The following RPTOR variants were observed in gnomAD, a reference collection of about 807,000 sequenced individuals.
RPTOR encodes the protein regulatory associated protein of MTOR complex 1, also known as regulatory-associated protein of mTOR.
A neutral mutation model predicts 169.9 loss-of-function variants in RPTOR; 21 were observed. The ratio of observed to expected loss-of-function variants is 0.12; its 90% CI spans 0.09 to 0.18. The LOEUF is 0.18. Among genes scored for constraint, RPTOR ranks in the 10% least tolerant of loss-of-function variants. The pLI is 1.00. For synonymous variants in RPTOR, 732 were observed against 753.2 expected (o/e 0.97, Z 0.46); for missense variants, 1,133 against 1,855.9 (o/e 0.61, Z 7.16).
chr17:80,670,795 C>G (rs186301223), intron 3 of RPTOR, among the ~76,000 whole-genome samples: 8 of 152,244 alleles, frequency 5.3e-5, no homozygotes, highest in African/African-American at 1.9e-4. Flanking sequence ...AATCAGCCCC[C>G]CAACTCCCCC....
At chr17:80,826,381 G>C (rs376834174) in intron 9 of RPTOR, among the ~76,000 whole-genome samples, 1 of 152,162 alleles carries the variant, frequency 6.6e-6, no homozygotes, top group Non-Finnish European at 1.5e-5. Context: ...GACACTTCCC[G>C]GCCGGCTGTG....
At chr17:80,649,846 T>C (rs556315658) in intron 3 of RPTOR, among the ~76,000 whole-genome samples, 506 of 152,356 alleles carry the variant, frequency 3.3e-3, no homozygotes, top group Non-Finnish European at 5.2e-3. Context: ...GTGAGAACTC[T>C]GATTCATGCT....
intron 1 of RPTOR, among the ~76,000 whole-genome samples, chr17:80,585,199 A>T (rs200289308): frequency 5.6e-4 from 22 of 39,288 alleles, no homozygotes; most frequent in African/African-American, 2.5e-3. Context: ...TATTATTATT[A>T]TTATTTTTGT....
intron 16 of RPTOR, among the ~76,000 whole-genome samples, chr17:80,884,435 A>T (rs1199831818): frequency 2.0e-5 from 3 of 152,128 alleles, no homozygotes; most frequent in African/African-American, 7.2e-5. Context: ...CACTCTTCCC[A>T]CCGGCCTGTG....
In RPTOR at chr17:80,737,809, G is replaced by C. The variant is rs183058735; in HGVS notation, c.654+7103G>C. Among the ~76,000 whole-genome samples the C allele has an allele frequency of 2.8e-3, 374 of 132,506 alleles. 2 individuals carry two copies. The highest frequency in any genetic ancestry group is 0.01 in the African/African-American group (312 of 30,736). The allele number at this position is 132,506 out of a possible 152,430, so 86.9% of individuals were successfully genotyped here. A position where few individuals can be genotyped will look rare whatever the true frequency, so the allele number is the denominator to read the frequency against. ...TTCTTTCTCTCTCTTTTTCTCCCCC[G>C]CCCCCCCGCCACACTCACTCCACCA... On this transcript the variant is annotated intron_variant, in intron 5 of 33. Transcript: ENST00000306801.
rs184286527 is a variant in RPTOR at position 80,726,154 on chromosome 17, A to G, written c.508-4406A>G. 2.8e-4 allele frequency among the ~76,000 whole-genome samples: 42 copies of G among 152,302 alleles called. No individual in the cohort carries two copies. Among genetic ancestry groups the G allele is most frequent in the Admixed American group, 7.8e-4 (12 of 15,298 alleles). On this transcript the variant is annotated intron_variant, in intron 4 of 33. Coordinates refer to ENST00000306801, the MANE Select transcript of RPTOR (RefSeq NM_020761.3). This position sits in a 1 kb window ranked among gnomAD's most constrained non-coding sequence, Gnocchi z 4.5. ...CACATCCAAGCAGGCTTCCCAGAGC[A>G]GGCGGGGCTGGGAAAGCTGTTCTGT...
At chr17:80,742,294 A>C (rs868766183) in intron 5 of RPTOR, among the ~76,000 whole-genome samples, 2 of 152,220 alleles carry the variant, frequency 1.3e-5, no homozygotes, top group South Asian at 4.1e-4. Flanking sequence ...GTAGGTGTGA[A>C]GGGAACAGGA....
intron 8 of RPTOR, 57 bp downstream of exon 8, chr17:80,822,358 C>A: frequency 6.6e-7 from 1 of 1,525,288 alleles, no homozygotes; most frequent in Non-Finnish European, 9.1e-7. Flanking sequence ...GCGCGGGGAG[C>A]CGACTCTCGG....
chr17:80,604,751 C>T (rs907471787), intron 1 of RPTOR, among the ~76,000 whole-genome samples: 8 of 152,032 alleles, frequency 5.3e-5, no homozygotes, highest in Non-Finnish European at 1.2e-4. Flanking sequence ...TAGGGGAACT[C>T]CCCTTTATAA....
rs1015964597 is a variant in RPTOR, at chr17:80,966,109, G to A, written c.*1779G>A. 3 of 224,852 alleles carry A rather than the reference G, an allele frequency of 1.3e-5. No homozygotes were observed. Among genetic ancestry groups the A allele is most frequent in the Admixed American group, 6.0e-5 (1 of 16,608 alleles). 13.9% of individuals were successfully genotyped at this position (224,852 alleles called of 1,614,324 possible). ...TGTCAAAAGGCAGGTGGCTCCAGAG[G>A]GGTCAAGACCCCCCCCCGCCCCCGC... On this transcript the variant is annotated 3_prime_UTR_variant, in exon 34 of 34. Transcript: ENST00000306801.
intron 3 of RPTOR, among the ~76,000 whole-genome samples, chr17:80,671,466 T>A (rs1598209127): frequency 6.6e-6 from 1 of 152,310 alleles, no homozygotes; most frequent in East Asian, 1.9e-4. Flanking sequence ...CTATTTGCCC[T>A]CTCTGTCAAT....
rs763341705 is a variant in RPTOR at position 80,707,831 on chromosome 17, C to T, written c.349-10C>T. ...CGTGGTAAATTTCTTCATTTCTTCT[C>T]CTGCAACAGGCCCGGTACAAGCAGA... On this transcript the variant is annotated splice_polypyrimidine_tract_variant and intron_variant, in intron 3 of 33. Coordinates refer to ENST00000306801, the MANE Select transcript of RPTOR (RefSeq NM_020761.3). This position sits in a 1 kb window ranked among gnomAD's most constrained non-coding sequence, Gnocchi z 5.0. 3 of 1,606,994 alleles carry T rather than the reference C, an allele frequency of 1.9e-6. No individual in the cohort carries two copies. Among genetic ancestry groups the T allele is most frequent in the African/African-American group, 2.7e-5 (2 of 74,722 alleles).
intron 6 of RPTOR, among the ~76,000 whole-genome samples, chr17:80,790,056 G>A (rs904142059): frequency 5.3e-5 from 8 of 152,272 alleles, no homozygotes; most frequent in Non-Finnish European, 8.8e-5. Context: ...TGGGACCACC[G>A]TAGGAGCTGC....
At chr17:80,677,285 G>A (rs960204126) in intron 3 of RPTOR, among the ~76,000 whole-genome samples, 3 of 152,144 alleles carry the variant, frequency 2.0e-5, no homozygotes, top group African/African-American at 7.2e-5. Context: ...TCTTCTCCAT[G>A]TCTTTGAAGT....
intron 7 of RPTOR, chr17:80,804,522 T>C (rs923694412): frequency 2.0e-5 from 3 of 152,138 alleles, no homozygotes; most frequent in African/African-American, 7.2e-5. Flanking sequence ...AAGCAAAACA[T>C]AGATCTACAG....
intron 1 of RPTOR, among the ~76,000 whole-genome samples, chr17:80,616,742 C>A (rs1414517731): frequency 2.7e-5 from 4 of 150,474 alleles, no homozygotes; most frequent in Non-Finnish European, 5.9e-5. Flanking sequence ...CACTTTGTAT[C>A]TTGAACTGGG....
chr17:80,698,068 C>A (rs74561136), intron 3 of RPTOR, among the ~76,000 whole-genome samples: 1 of 147,296 alleles, frequency 6.8e-6, no homozygotes, highest in South Asian at 2.1e-4. Context: ...GGATCCCAGA[C>A]GGGTGGGTGC....
In RPTOR at chr17:80,735,846, C is replaced by T. The variant is rs544914838; in HGVS notation, c.654+5140C>T. On this transcript the variant is annotated intron_variant, in intron 5 of 33. Coordinates refer to ENST00000306801, the MANE Select transcript of RPTOR (RefSeq NM_020761.3). ...AGCCTGAGAATGACTTCCTGGAGAG[C>T]AGGTTGCTGTGTGTCAGAAGAGTCT... 3.9e-5 allele frequency among the ~76,000 whole-genome samples: 6 copies of T among 152,236 alleles called. No individual in the cohort carries two copies. In the South Asian group the frequency reaches 1.2e-3, roughly 32 times the overall value.
chr17:80,562,009 T>G lies in RPTOR; in HGVS notation c.162+16218T>G, dbSNP rs61198997. On this transcript the variant is annotated intron_variant, in intron 1 of 33. Transcript: ENST00000306801. This position sits in a 1 kb window ranked among gnomAD's most constrained non-coding sequence, Gnocchi z 4.4. ...GTATTTATGTGTCAGTGCATGTGTA[T>G]TTGTGAGTATATGTGTGTGTTAGGG... Among the ~76,000 whole-genome samples the G allele has an allele frequency of 8.3e-4, 127 of 152,268 alleles. 2 individuals carry two copies. In the East Asian group the frequency reaches 0.021, roughly 26 times the overall value.
Sources: gnomAD v4.1 joint callset for allele counts (sites outside exome capture counted in the v4.1 genomes callset) on GRCh38, gnomAD v4.1.1 for gene constraint, Gnocchi (gnomAD v3.1) non-coding constraint, MANE v1.5 for transcripts, NCBI Gene and HGNC (gene_info 2026-07-23, HGNC 2026-07-21) for gene names.